TRPM8: variants seen among roughly 807,000 people sequenced by gnomAD.
The protein encoded by TRPM8 is transient receptor potential cation channel subfamily M member 8, also known as TRPM8 cationic channel.
TRPM8 carries 110 observed loss-of-function variants against 133.7 expected under a neutral mutation model. The observed-to-expected ratio is 0.82, with a 90% confidence interval of 0.70 to 0.96. TRPM8 has a LOEUF of 0.96. Among genes scored for constraint, TRPM8 ranks in the 40% least tolerant of loss-of-function variants. The probability of loss-of-function intolerance (pLI) is 0.00; values close to 1 mark genes in which losing one functional copy is unlikely to be tolerated. For synonymous variants in TRPM8, 535 were observed against 532.3 expected (o/e 1.01, Z -0.07); for missense variants, 1,291 against 1,379.5 (o/e 0.94, Z 1.02).
chr2:233,936,891 C>CTTTT (rs5839499), intron 3 of TRPM8, among the ~76,000 whole-genome samples: 13 of 101,320 alleles, frequency 1.3e-4, no homozygotes, highest in African/African-American at 2.8e-4. Flanking sequence ...TCTTTCTTTC[C>CTTTT]TTTTTTTTTT....
chr2:234,001,640 T>G (rs143279700), intron 22 of TRPM8, among the ~76,000 whole-genome samples: 1 of 151,922 alleles, frequency 6.6e-6, no homozygotes, highest in South Asian at 2.1e-4. Context: ...AAGCACAGCA[T>G]GAAAAGGAGC....
At chr2:233,952,315 G>A (rs953864991) in intron 9 of TRPM8, among the ~76,000 whole-genome samples, 2 of 152,114 alleles carry the variant, frequency 1.3e-5, no homozygotes, top group Non-Finnish European at 2.9e-5. Flanking sequence ...ATTGCAAGTC[G>A]AAATGGGTGT....
At chr2:234,017,189 G>T in intron 25 of TRPM8, 110 bp from the exon 26 acceptor site, 1 of 375,446 alleles carries the variant, frequency 2.7e-6, no homozygotes, top group South Asian at 2.0e-5. Flanking sequence ...TGGTATATTT[G>T]GATCTATTCC....
chr2:233,965,056 G>T (rs893810115), intron 14 of TRPM8, among the ~76,000 whole-genome samples: 11 of 77,002 alleles, frequency 1.4e-4, no homozygotes, highest in African/African-American at 1.1e-3. Context: ...TTTTTTGTGG[G>T]GGGGGGGGGT....
At chr2:233,963,453 G>A (rs374117054) in intron 13 of TRPM8, 76 bp downstream of exon 13, 20 of 835,988 alleles carry the variant, frequency 2.4e-5, no homozygotes, top group South Asian at 7.7e-5. Context: ...CTCAAAATTC[G>A]CATGCCTAAT....
intron 4 of TRPM8, among the ~76,000 whole-genome samples, chr2:233,937,799 G>T (rs1296623643): frequency 6.6e-6 from 1 of 152,136 alleles, no homozygotes. Context: ...GCTACTGAGG[G>T]CCCCATGAAT....
intron 17 of TRPM8, among the ~76,000 whole-genome samples, chr2:233,974,574 A>G (rs1354719430): frequency 6.6e-6 from 1 of 152,120 alleles, no homozygotes; most frequent in Non-Finnish European, 1.5e-5. Context: ...TTAACCTTGG[A>G]GGGCAGCCCG....
At chr2:233,999,780 C>T (rs1034376897) in intron 22 of TRPM8, among the ~76,000 whole-genome samples, 1 of 152,184 alleles carries the variant, frequency 6.6e-6, no homozygotes, top group African/African-American at 2.4e-5. Flanking sequence ...TTTGATGCCT[C>T]GAACAATTTA....
At chr2:233,953,198 A>G (rs1024668084) in intron 9 of TRPM8, among the ~76,000 whole-genome samples, 1 of 152,142 alleles carries the variant, frequency 6.6e-6, no homozygotes, top group Admixed American at 6.5e-5. Context: ...CCACCTTCAA[A>G]CAGCCAGACC....
chr2:234,009,979 G>A (rs1364359696), intron 24 of TRPM8, among the ~76,000 whole-genome samples: 4 of 152,158 alleles, frequency 2.6e-5, no homozygotes, highest in African/African-American at 9.7e-5. Flanking sequence ...TTGTATGTAT[G>A]TGTGAGGGAA....
chr2:233,952,473 G>A (rs1691192352), intron 9 of TRPM8, among the ~76,000 whole-genome samples: 1 of 151,866 alleles, frequency 6.6e-6, no homozygotes, highest in Non-Finnish European at 1.5e-5. Flanking sequence ...GGCTGGGGTT[G>A]TGGTGGTGGT....
At chr2:234,003,520 C>A (rs950101430) in intron 22 of TRPM8, among the ~76,000 whole-genome samples, 1 of 152,180 alleles carries the variant, frequency 6.6e-6, no homozygotes, top group Non-Finnish European at 1.5e-5. Flanking sequence ...ACTAGAAGCA[C>A]TTAATGACAT....
At position 233,960,909 on chromosome 2, in the gene TRPM8, A is replaced by G; in HGVS notation, c.1496A>G (p.Asn499Ser). The G allele has an allele frequency of 6.2e-7, 1 of 1,614,188 alleles. No homozygotes were observed. Residue 499 changes from asparagine (N) to serine (S), a missense_variant, in exon 12 of 26, where the codon AAC becomes AGC. Physicochemically the swap from Asn to Ser is conservative, Grantham distance 46. This residue lies in a region of TRPM8 where 963 missense variants were observed against 968.9 expected (regional missense o/e 0.99). Transcript: ENST00000324695. ...THDVLTELFS[N>S]HFSTLVYRNL... ...GATGTCCTCACTGAACTCTTCTCCA[A>G]CCACTTCAGCACGCTTGTGTACCGG...
intron 21 of TRPM8, among the ~76,000 whole-genome samples, chr2:233,993,087 G>A (rs921655740): frequency 9.2e-5 from 14 of 152,128 alleles, no homozygotes; most frequent in East Asian, 3.9e-4. Flanking sequence ...GCTGTACCTC[G>A]GTGTATAAAT....
intron 17 of TRPM8, among the ~76,000 whole-genome samples, chr2:233,978,068 A>G (rs1199543635): frequency 1.4e-5 from 2 of 143,930 alleles, no homozygotes; most frequent in African/African-American, 5.1e-5. Context: ...TGTGTTCATC[A>G]CCTTACAATT....
chr2:233,945,873 G>A lies in TRPM8; in HGVS notation c.717G>A (p.Gln239=), dbSNP rs548310640. ...CTTTTCAGGGCTATTTTTTAGCCCA[G>A]TACCTTATGGATGACTTCACAAGAG... ...NCDAEGYFLA[Q]YLMDDFTRDP... is the part of the protein sequence containing the mutation. The change falls in exon 7 of 26, where the codon CAG becomes CAA. Residue 239 remains glutamine (Q), a synonymous_variant. Transcript: ENST00000324695. 2 of 1,613,820 alleles carry A rather than the reference G, an allele frequency of 1.2e-6. No homozygotes were observed. The highest frequency in any genetic ancestry group is 1.7e-6 in the Non-Finnish European group (2 of 1,179,774).
At chr2:233,930,366 T>A (rs536809887) in intron 2 of TRPM8, among the ~76,000 whole-genome samples, 76 of 152,360 alleles carry the variant, frequency 5.0e-4, no homozygotes, top group African/African-American at 1.8e-3. Context: ...AATGCCTATA[T>A]TCTCCCTGGT....
intron 5 of TRPM8, among the ~76,000 whole-genome samples, chr2:233,940,259 G>A (rs7577157): frequency 0.19 from 29,021 of 150,966 alleles, 3,698 homozygotes; most frequent in East Asian, 0.36. Flanking sequence ...TAGAACTAAG[G>A]AAACGTGTCG....
intron 15 of TRPM8, among the ~76,000 whole-genome samples, chr2:233,966,978 A>G (rs28902179): frequency 0.023 from 3,568 of 152,288 alleles, 129 homozygotes; most frequent in East Asian, 0.12. Flanking sequence ...TTGAGTTTCC[A>G]CTAAGCAAAC....
Sources: gnomAD v4.1 joint callset for allele counts (sites outside exome capture counted in the v4.1 genomes callset) on GRCh38, gnomAD v4.1.1 for gene constraint, gnomAD v4.1.1 regional missense constraint, MANE v1.5 for transcripts, NCBI Gene and HGNC (gene_info 2026-07-23, HGNC 2026-07-21) for gene names.